The following CSMD3 variants were observed in gnomAD, a reference collection of about 807,000 sequenced individuals.
CSMD3 encodes the protein CUB and Sushi multiple domains 3.
In CSMD3, 177 loss-of-function variants were observed where a neutral mutation model predicts 435.2. That is an observed-to-expected ratio of 0.41 (90% CI 0.36 to 0.46). The LOEUF (loss-of-function observed/expected upper bound fraction) is 0.46. CSMD3 is among the 20% of genes least tolerant of loss of function. The pLI is 0.34. For missense variants in CSMD3, 4,265 were observed against 4,504.6 expected (o/e 0.95, Z 1.52); for synonymous variants, 1,656 against 1,520.5 (o/e 1.09, Z -2.07).
intron 32 of CSMD3, among the ~76,000 whole-genome samples, chr8:112,466,550 T>A (rs550820056): frequency 6.6e-6 from 1 of 152,288 alleles, no homozygotes; most frequent in African/African-American, 2.4e-5. Flanking sequence ...AAGTCAAAAC[T>A]ACATTAGCAT....
chr8:113,427,648 T>C (rs2094643870), intron 1 of CSMD3, among the ~76,000 whole-genome samples: 1 of 151,656 alleles, frequency 6.6e-6, no homozygotes, highest in African/African-American at 2.4e-5. Flanking sequence ...TATTTTTAAC[T>C]AAAGGACACT....
intron 10 of CSMD3, among the ~76,000 whole-genome samples, chr8:112,914,457 G>A (rs912178512): frequency 6.6e-6 from 1 of 151,560 alleles, no homozygotes; most frequent in African/African-American, 2.4e-5. Context: ...ATTTGTTTGG[G>A]ATGTTGACAC....
chr8:113,215,713 A>C (rs546749828), intron 3 of CSMD3, among the ~76,000 whole-genome samples: 2 of 152,052 alleles, frequency 1.3e-5, no homozygotes, highest in Admixed American at 1.3e-4. Context: ...TAGCCTTGAT[A>C]AATCTTATAT....
At chr8:112,828,887 A>T (rs1290997179) in intron 12 of CSMD3, among the ~76,000 whole-genome samples, 7 of 152,158 alleles carry the variant, frequency 4.6e-5, no homozygotes, top group Non-Finnish European at 8.8e-5. Context: ...CTAGAAAAGT[A>T]ACACTAAAGA....
At chr8:112,676,660 T>C (rs556543682) in intron 16 of CSMD3, among the ~76,000 whole-genome samples, 1 of 152,272 alleles carries the variant, frequency 6.6e-6, no homozygotes, top group African/African-American at 2.4e-5. Flanking sequence ...CATTTTATTT[T>C]AAAGGCATTC....
chr8:112,594,369 G>A (rs1011975853), intron 22 of CSMD3, among the ~76,000 whole-genome samples: 14 of 152,056 alleles, frequency 9.2e-5, no homozygotes, highest in Admixed American at 5.2e-4. Flanking sequence ...AGGGTCCTAC[G>A]CCCACAGAGT....
chr8:113,161,716 T>TA (rs549517993), intron 4 of CSMD3, among the ~76,000 whole-genome samples: 9 of 152,182 alleles, frequency 5.9e-5, no homozygotes, highest in Non-Finnish European at 1.2e-4. Context: ...CTTAATAGTT[T>TA]ACACTAGCTT....
At chr8:113,398,562 A>G (rs2094494571) in intron 1 of CSMD3, among the ~76,000 whole-genome samples, 1 of 152,178 alleles carries the variant, frequency 6.6e-6, no homozygotes, top group Admixed American at 6.5e-5. Context: ...ATATGCCATT[A>G]CATTTATAGA....
intron 7 of CSMD3, among the ~76,000 whole-genome samples, chr8:112,963,197 C>T (rs1464753430): frequency 4.6e-5 from 7 of 151,942 alleles, no homozygotes; most frequent in Non-Finnish European, 8.8e-5. Flanking sequence ...TACAATAGGA[C>T]TTTGTCCAAC....
intron 3 of CSMD3, among the ~76,000 whole-genome samples, chr8:113,194,097 A>G (rs960833045): frequency 1.1e-4 from 17 of 151,458 alleles, no homozygotes; most frequent in African/African-American, 4.1e-4. Flanking sequence ...AAAAAAACCT[A>G]TACCAAAATA....
At chr8:112,975,693 T>G in intron 7 of CSMD3, 144 bp downstream of exon 7, 2 of 1,214,206 alleles carry the variant, frequency 1.6e-6, no homozygotes, top group South Asian at 2.9e-5. Flanking sequence ...TGGTTGTTAC[T>G]ATCCATATTT....
At chr8:112,698,955 A>G (rs1259103147) in intron 13 of CSMD3, among the ~76,000 whole-genome samples, 3 of 152,078 alleles carry the variant, frequency 2.0e-5, no homozygotes, top group Non-Finnish European at 4.4e-5. Flanking sequence ...TTGTCTAGCT[A>G]AAGGTTTGTA....
At chr8:113,378,877 A>G (rs986415367) in intron 1 of CSMD3, among the ~76,000 whole-genome samples, 1 of 152,072 alleles carries the variant, frequency 6.6e-6, no homozygotes, top group African/African-American at 2.4e-5. Flanking sequence ...AAGAAGCTAA[A>G]CTTGAGAAAC....
intron 6 of CSMD3, 138 bp downstream of exon 6, chr8:113,018,929 C>A: frequency 1.4e-6 from 1 of 692,934 alleles, no homozygotes; most frequent in Non-Finnish European, 2.6e-6. Flanking sequence ...ATTATTGTCT[C>A]AGCAACAGCA....
chr8:113,149,554 A>G (rs1293792001), intron 4 of CSMD3, among the ~76,000 whole-genome samples: 1 of 151,814 alleles, frequency 6.6e-6, no homozygotes, highest in Admixed American at 6.6e-5. Context: ...AAGCTTTGAG[A>G]TATTTTTTCA....
rs1037152397 is a variant in CSMD3, at chr8:113,292,659, G to C, written c.402-13955C>G. On this transcript the variant is annotated intron_variant, in intron 2 of 70. Coordinates refer to ENST00000297405, the MANE Select transcript of CSMD3 (RefSeq NM_198123.2). ...TGAATGAGACAAAAATGTAATTTTT[G>C]AGGTAACATATGAGATGGCATGCTG... Among the ~76,000 whole-genome samples the C allele has an allele frequency of 2.6e-5, 4 of 151,796 alleles. No individual in the cohort carries two copies. In the South Asian group the frequency reaches 8.3e-4, roughly 32 times the overall value.
intron 3 of CSMD3, among the ~76,000 whole-genome samples, chr8:113,231,019 T>C (rs1007711961): frequency 6.6e-6 from 1 of 151,412 alleles, no homozygotes; most frequent in African/African-American, 2.4e-5. Flanking sequence ...CAATTTTTTT[T>C]CTTTTGAATA....
At chr8:112,326,151 C>G (rs1823495267) in intron 45 of CSMD3, among the ~76,000 whole-genome samples, 1 of 152,056 alleles carries the variant, frequency 6.6e-6, no homozygotes, top group African/African-American at 2.4e-5. Context: ...GGCATGTTGT[C>G]TTTGTTGGTC....
chr8:113,022,746 G>A (rs2086727554), intron 5 of CSMD3, among the ~76,000 whole-genome samples: 1 of 151,406 alleles, frequency 6.6e-6, no homozygotes, highest in Admixed American at 6.6e-5. Flanking sequence ...CAGAAAATTT[G>A]ACGTGTCTCT....
Sources: gnomAD v4.1 joint callset for allele counts (sites outside exome capture counted in the v4.1 genomes callset) on GRCh38, gnomAD v4.1.1 for gene constraint, MANE v1.5 for transcripts, NCBI Gene and HGNC (gene_info 2026-07-23, HGNC 2026-07-21) for gene names.